TNFRSF8: variants seen among roughly 807,000 people sequenced by gnomAD.
TNFRSF8 encodes tumor necrosis factor receptor superfamily member 8.
In TNFRSF8, 26 loss-of-function variants were observed where a neutral mutation model predicts 70.8. That is an observed-to-expected ratio of 0.37 (90% CI 0.27 to 0.51). The LOEUF is 0.51. Among genes scored for constraint, TNFRSF8 ranks in the 20% least tolerant of loss-of-function variants. The pLI is 0.94. For missense variants in TNFRSF8, 720 were observed against 807.9 expected, an observed-to-expected ratio of 0.89 and a Z score of 1.32; for synonymous variants, 356 against 339.2, an observed-to-expected ratio of 1.05 and a Z score of -0.54.
intron 2 of TNFRSF8, among the ~76,000 whole-genome samples, chr1:12,088,000 C>T (rs189543962): frequency 7.9e-5 from 12 of 152,208 alleles, no homozygotes; most frequent in African/African-American, 2.4e-4. Context: ...ACAAAAACCC[C>T]TTCTTTGATC....
chr1:12,133,397 T>C (rs923471162), intron 12 of TNFRSF8, among the ~76,000 whole-genome samples: 1 of 151,818 alleles, frequency 6.6e-6, no homozygotes, highest in African/African-American at 2.4e-5. Context: ...CTTGTAAAAC[T>C]CAAAATCACT....
chr1:12,143,817 G>C lies in TNFRSF8; in HGVS notation c.*1286G>C, dbSNP rs11569957. ...GACTTACCGCCTGGAGGCAGGCCCG[G>C]GAAGGCTGCTGTTTACTCATCGGGC... On this transcript the variant is annotated 3_prime_UTR_variant, in exon 15 of 15. Transcript: ENST00000263932. The surrounding 1 kb of genome is among the most constrained non-coding windows in gnomAD (Gnocchi z 4.1). The C allele has an allele frequency of 0.017, 2,651 of 152,344 alleles. 40 individuals are homozygous for C. The highest frequency in any genetic ancestry group is 0.029 in the Non-Finnish European group (1,980 of 68,050). 9.4% of individuals were successfully genotyped at this position (152,344 alleles called of 1,614,324 possible).
intron 3 of TNFRSF8, among the ~76,000 whole-genome samples, chr1:12,103,707 C>G (rs1641465585): frequency 1.3e-5 from 2 of 152,058 alleles, no homozygotes; most frequent in African/African-American, 4.8e-5. Flanking sequence ...TGGGATTTCA[C>G]TATGTCGCCA....
At chr1:12,087,423 C>T (rs1641174489) in intron 2 of TNFRSF8, among the ~76,000 whole-genome samples, 1 of 152,154 alleles carries the variant, frequency 6.6e-6, no homozygotes, top group African/African-American at 2.4e-5. Flanking sequence ...CCGCCTTGGC[C>T]TCATAAAGTG....
intron 1 of TNFRSF8, among the ~76,000 whole-genome samples, chr1:12,066,842 G>C (rs549182508): frequency 1.3e-5 from 2 of 151,150 alleles, no homozygotes; most frequent in Admixed American, 6.6e-5. Flanking sequence ...TAGTAGAGAT[G>C]GGGTTTCGTC....
intron 8 of TNFRSF8, among the ~76,000 whole-genome samples, chr1:12,120,140 C>A (rs1192307862): frequency 6.6e-6 from 1 of 152,150 alleles, no homozygotes; most frequent in East Asian, 1.9e-4. Flanking sequence ...GTCCAGAAGG[C>A]TTTTCTTCCT....
intron 2 of TNFRSF8, among the ~76,000 whole-genome samples, chr1:12,091,630 G>A (rs1385977977): frequency 6.6e-6 from 1 of 152,194 alleles, no homozygotes; most frequent in Non-Finnish European, 1.5e-5. Flanking sequence ...GGGTGTGAAG[G>A]GTTCCCAGTG....
intron 8 of TNFRSF8, among the ~76,000 whole-genome samples, chr1:12,116,162 G>A (rs1278524313): frequency 6.6e-6 from 1 of 152,056 alleles, no homozygotes; most frequent in East Asian, 1.9e-4. Context: ...TGTATTTTTA[G>A]AAGAGATGCG....
intron 12 of TNFRSF8, among the ~76,000 whole-genome samples, chr1:12,130,670 C>T (rs77402517): frequency 4.6e-5 from 7 of 152,358 alleles, no homozygotes; most frequent in East Asian, 1.9e-4. Context: ...TGAGAACGCA[C>T]GTGCTCCGTG....
At chr1:12,139,628 T>G (rs1642217904) in intron 14 of TNFRSF8, among the ~76,000 whole-genome samples, 1 of 152,228 alleles carries the variant, frequency 6.6e-6, no homozygotes, top group South Asian at 2.1e-4. Context: ...CTCTGTCGCT[T>G]CTGGAAGGGT....
Position 12,115,717 on chromosome 1 carries a change from A to G in TNFRSF8, c.934A>G (p.Thr312Ala). The G allele has an allele frequency of 6.2e-7, 1 of 1,614,112 alleles. No individual in the cohort carries two copies. The highest frequency in any genetic ancestry group is 1.1e-5 in the South Asian group (1 of 91,082). The change falls in exon 8 of 15, where the codon ACC (threonine) becomes GCC (alanine). Residue 312 changes from threonine (T) to alanine (A), a missense_variant. Physicochemically the swap from Thr to Ala is moderately conservative, Grantham distance 58. Coordinates refer to ENST00000263932, the MANE Select transcript of TNFRSF8 (RefSeq NM_001243.5). ...PYPICAAETV[T>A]KPQDMAEKDT... ...CCCAATCTGTGCAGCAGAGACGGTC[A>G]CCAAGCCCCAGGGTAAGCAGTTCCC...
In TNFRSF8 at chr1:12,142,567, G is replaced by T. The variant is rs1244236820; in HGVS notation, c.*36G>T. On this transcript the variant is annotated 3_prime_UTR_variant, in exon 15 of 15. Transcript: ENST00000263932. The surrounding 1 kb of genome is among the most constrained non-coding windows in gnomAD (Gnocchi z 5.0). ...GGGCTGGGGCTAGGAGGGCAGCAGG[G>T]TGGCCTCTGGGAGGCCAGGATGGCA... 6.5e-7 allele frequency: 1 copy of T among 1,546,142 alleles called. No homozygotes were observed.
At chr1:12,123,252 G>A (rs771845598) in intron 8 of TNFRSF8, 32 bp from the exon 9 acceptor site, 4 of 1,585,540 alleles carry the variant, frequency 2.5e-6, no homozygotes, top group African/African-American at 1.3e-5. Context: ...CCTCCTTGGC[G>A]CTGGTTCTCA....
At chr1:12,084,580 A>T in intron 2 of TNFRSF8, 29 bp downstream of exon 2, 71 of 1,499,942 alleles carry the variant, frequency 4.7e-5, no homozygotes, top group Non-Finnish European at 6.2e-5. Flanking sequence ...GGTGGGGAGA[A>T]GGGGGGAAAT....
intron 12 of TNFRSF8, among the ~76,000 whole-genome samples, chr1:12,135,264 C>T (rs1214583424): frequency 6.4e-5 from 9 of 139,798 alleles, no homozygotes; most frequent in Admixed American, 1.6e-4. Flanking sequence ...TACATTGAGC[C>T]GAGATCATGC....
At chr1:12,083,344 G>C (rs1440773659) in intron 1 of TNFRSF8, among the ~76,000 whole-genome samples, 1 of 152,184 alleles carries the variant, frequency 6.6e-6, no homozygotes, top group Non-Finnish European at 1.5e-5. Context: ...TAAAACGTGT[G>C]TACAGGAATG....
At position 12,063,562 on chromosome 1, in the gene TNFRSF8, C is replaced by A. The variant is rs1640684607; in HGVS notation, c.-37C>A. 1.5e-6 allele frequency: 2 copies of A among 1,302,570 alleles called. No homozygotes were observed. The highest frequency in any genetic ancestry group is 9.8e-7 in the Non-Finnish European group (1 of 1,019,300). The allele number at this position is 1,302,570 out of a possible 1,614,324, so 80.7% of individuals were successfully genotyped here. ...GCGCTTCCCCCGCTTCCCAGGTGGGCGCCGGCCGCCAGGCCACCTCACGTC... is the reference window on the plus strand; with the variant it reads ...GCGCTTCCCCCGCTTCCCAGGTGGGAGCCGGCCGCCAGGCCACCTCACGTC... On this transcript the variant is annotated 5_prime_UTR_variant, in exon 1 of 15. Coordinates refer to ENST00000263932, the MANE Select transcript of TNFRSF8 (RefSeq NM_001243.5). This position sits in a 1 kb window ranked among gnomAD's most constrained non-coding sequence, Gnocchi z 7.2.
intron 13 of TNFRSF8, among the ~76,000 whole-genome samples, chr1:12,137,549 T>G (rs1008005484): frequency 4.1e-4 from 52 of 127,630 alleles, no homozygotes; most frequent in African/African-American, 1.4e-3. Context: ...TGTTTTTTTG[T>G]TTTTTTTTGT....
At chr1:12,074,951 G>C (rs1640912546) in intron 1 of TNFRSF8, among the ~76,000 whole-genome samples, 1 of 151,988 alleles carries the variant, frequency 6.6e-6, no homozygotes, top group Non-Finnish European at 1.5e-5. Flanking sequence ...ACCATGCCCA[G>C]CTAATTAAAA....
Sources: allele counts gnomAD v4.1 joint callset (sites outside exome capture counted in the v4.1 genomes callset), GRCh38; gene constraint gnomAD v4.1.1; non-coding constraint Gnocchi (gnomAD v3.1); transcripts MANE v1.5; gene names NCBI Gene and HGNC (gene_info 2026-07-23, HGNC 2026-07-21).